Variants in TRAPPC9 observed in about 807,000 individuals in gnomAD.
The protein encoded by TRAPPC9 is trafficking protein particle complex subunit 9, also known as IKK2 binding protein.
A neutral mutation model predicts 124.0 loss-of-function variants in TRAPPC9; 83 were observed. The observed-to-expected ratio is 0.67, with a 90% CI of 0.56 to 0.80. The LOEUF is 0.80. TRAPPC9 is among the 30% of genes least tolerant of loss of function. The pLI, the probability that TRAPPC9 is intolerant of heterozygous loss-of-function variation, is 0.00. For synonymous variants in TRAPPC9, 638 were observed against 617.5 expected (o/e 1.03, Z -0.49); for missense variants, 1,302 against 1,508.3 (o/e 0.86, Z 2.27).
chr8:140,203,634 T>C (rs1388329602), intron 17 of TRAPPC9, among the ~76,000 whole-genome samples: 4 of 152,136 alleles, frequency 2.6e-5, no homozygotes, highest in South Asian at 2.1e-4. Context: ...TGCGGGAAGG[T>C]TGAGCTAACA....
chr8:140,138,368 T>C (rs1364349239), intron 17 of TRAPPC9, among the ~76,000 whole-genome samples: 1 of 152,184 alleles, frequency 6.6e-6, no homozygotes, highest in African/African-American at 2.4e-5. Context: ...AACTATGTGT[T>C]AGGCACTGTG....
At chr8:140,211,904 A>G (rs973841866) in intron 17 of TRAPPC9, among the ~76,000 whole-genome samples, 2 of 152,206 alleles carry the variant, frequency 1.3e-5, no homozygotes, top group Admixed American at 1.3e-4. Flanking sequence ...GCAAAGGACA[A>G]CAGTAACAGT....
At chr8:139,950,442 G>A (rs1311593161) in intron 19 of TRAPPC9, among the ~76,000 whole-genome samples, 4 of 152,188 alleles carry the variant, frequency 2.6e-5, no homozygotes, top group African/African-American at 7.2e-5. Context: ...TGTCCAGAGT[G>A]GTATTGCTGA....
intron 21 of TRAPPC9, among the ~76,000 whole-genome samples, chr8:139,756,570 C>G (rs1189033109): frequency 2.9e-5 from 4 of 136,768 alleles, no homozygotes; most frequent in African/African-American, 8.5e-5. Flanking sequence ...GACAGCAGGT[C>G]GCAGGAGGAG....
At position 139,890,269 on chromosome 8, in the gene TRAPPC9, C is replaced by T. The variant is rs183010785; in HGVS notation, c.2965-4300G>A. Among the ~76,000 whole-genome samples the T allele has an allele frequency of 3.3e-3, 499 of 152,374 alleles. 4 individuals carry two copies. Among genetic ancestry groups the T allele is most frequent in the African/African-American group, 0.011 (441 of 41,598 alleles). ...GCCGTAACAGGGAGGTCAGGCCCTA[C>T]GGGCATCTGGCCATTCGTGCTCTCC... On this transcript the variant is annotated intron_variant, in intron 20 of 22. Transcript: ENST00000438773.
intron 15 of TRAPPC9, among the ~76,000 whole-genome samples, chr8:140,270,536 A>C (rs1447154257): frequency 6.6e-6 from 1 of 152,202 alleles, no homozygotes; most frequent in African/African-American, 2.4e-5. Context: ...CCCTGATTAG[A>C]GAAAGAGACC....
At position 140,450,972 on chromosome 8, in the gene TRAPPC9, G is replaced by A; in HGVS notation, c.402C>T (p.Phe134=). 2 of 1,614,154 alleles carry A rather than the reference G, an allele frequency of 1.2e-6. No individual in the cohort carries two copies. The highest frequency in any genetic ancestry group is 1.7e-6 in the Non-Finnish European group (2 of 1,180,030). The change falls in exon 2 of 23, where the codon TTC becomes TTT. Residue 134 remains phenylalanine (F), a synonymous_variant. Transcript: ENST00000438773. The part of the protein sequence containing the change: ...IVEQPRTDVA[F]YPNYEDCQTV... ...TCTGGCAGTCCTCGTAGTTGGGGTA[G>A]AAAGCCACGTCGGTGCGCGGCTGCT...
rs2071447005 is a variant in TRAPPC9 at position 140,451,183 on chromosome 8, T to C, written c.191A>G (p.Glu64Gly). The change falls in exon 2 of 23, where the codon GAG (glutamate) becomes GGG (glycine). Residue 64 changes from glutamate (E) to glycine (G), a missense_variant. By Grantham distance (98) the Glu-to-Gly change is moderately conservative. This residue lies in a region of TRAPPC9 where 657 missense variants were observed against 811.2 expected (regional missense o/e 0.81). Coordinates refer to ENST00000438773, the MANE Select transcript of TRAPPC9 (RefSeq NM_001160372.4). ...CTGGAAGTCACCCCACTCGTTGTTC[T>C]CGGGTGGGTAGTGGTGCCTGTAGCG... ...YIRYRHHYPP[E>G]NNEWGDFQTH... The C allele has an allele frequency of 6.2e-7, 1 of 1,613,726 alleles. No individual in the cohort carries two copies. Among genetic ancestry groups the C allele is most frequent in the African/African-American group, 1.3e-5 (1 of 74,892 alleles).
At position 139,817,618 on chromosome 8, in the gene TRAPPC9, C is replaced by T. The variant is rs150391787; in HGVS notation, c.3055+68261G>A. On this transcript the variant is annotated intron_variant, in intron 21 of 22. Transcript: ENST00000438773. ...GGATGCGTCCCGGCAGCAGGCGCCA[C>T]GTGGCTGGTGAGAAGGGCGAGGCTT... is the stretch of plus-strand genomic sequence containing the variant. Among the ~76,000 whole-genome samples, 40 of 152,352 alleles carry T rather than the reference C, an allele frequency of 2.6e-4. No homozygotes were observed. The East Asian group carries it at 6.6e-3, about 25-fold the overall frequency.
chr8:140,046,120 C>A (rs940909626), intron 17 of TRAPPC9, among the ~76,000 whole-genome samples: 1 of 152,142 alleles, frequency 6.6e-6, no homozygotes, highest in Admixed American at 6.5e-5. Flanking sequence ...AGGGGTCTTG[C>A]CCAAGGAGAC....
intron 7 of TRAPPC9, among the ~76,000 whole-genome samples, chr8:140,385,269 C>A (rs2068723939): frequency 2.0e-5 from 3 of 152,110 alleles, no homozygotes. Flanking sequence ...ACTAGAGAAG[C>A]AAGAGCAAAC....
chr8:140,037,826 CCCAACACACA>C (rs1312685330), intron 17 of TRAPPC9, among the ~76,000 whole-genome samples: 10 of 145,420 alleles, frequency 6.9e-5, no homozygotes, highest in Non-Finnish European at 1.5e-4. Context: ...TACACACATA[CCCAACACACA>C]CCAACACACA....
chr8:140,194,501 GT>G (rs914649484), intron 17 of TRAPPC9, among the ~76,000 whole-genome samples: 3 of 152,094 alleles, frequency 2.0e-5, no homozygotes, highest in Admixed American at 2.0e-4. Flanking sequence ...TACAGATGCA[GT>G]TTTTTTGCTT....
At chr8:140,210,658 A>G (rs2063037609) in intron 17 of TRAPPC9, among the ~76,000 whole-genome samples, 1 of 152,118 alleles carries the variant, frequency 6.6e-6, no homozygotes, top group Non-Finnish European at 1.5e-5. Context: ...TCTTGGGAAC[A>G]AACAGATGAT....
chr8:139,938,493 G>T (rs901938814), intron 19 of TRAPPC9, among the ~76,000 whole-genome samples: 3 of 152,040 alleles, frequency 2.0e-5, no homozygotes, highest in African/African-American at 7.2e-5. Context: ...CACCGTGTTA[G>T]CCAGGATGGT....
chr8:139,936,169 G>A (rs924341250), intron 19 of TRAPPC9, among the ~76,000 whole-genome samples: 3 of 152,186 alleles, frequency 2.0e-5, no homozygotes, highest in South Asian at 4.1e-4. Flanking sequence ...TTGAGATAGC[G>A]CCTACCAGAG....
At chr8:140,335,705 A>T (rs1191506541) in intron 9 of TRAPPC9, among the ~76,000 whole-genome samples, 2 of 131,690 alleles carry the variant, frequency 1.5e-5, no homozygotes, top group Non-Finnish European at 1.6e-5. Flanking sequence ...AGTCTTCACA[A>T]TTTTTTTTTT....
chr8:139,792,164 C>G (rs962064391), intron 21 of TRAPPC9, among the ~76,000 whole-genome samples: 6 of 152,182 alleles, frequency 3.9e-5, no homozygotes, highest in Non-Finnish European at 8.8e-5. Flanking sequence ...CACAGTCCCC[C>G]ATTCCTGTCT....
Position 139,737,473 on chromosome 8 carries a change from C to T in TRAPPC9, c.3056-5271G>A, listed in dbSNP as rs534121731. 4.1e-5 allele frequency among the ~76,000 whole-genome samples: 5 copies of T among 122,416 alleles called. 2 individuals are homozygous for T. The highest frequency in any genetic ancestry group is 9.3e-5 in the Non-Finnish European group (5 of 53,746). The allele number at this position is 122,416 out of a possible 152,430, so 80.3% of individuals were successfully genotyped here. On this transcript the variant is annotated intron_variant, in intron 21 of 22. Coordinates refer to ENST00000438773, the MANE Select transcript of TRAPPC9 (RefSeq NM_001160372.4). ...GGCGGGGGTCATCAGCCCTCCCCCC[C>T]CCCCCACGGAAAACCCTGAGTCTGG...
Sources: gnomAD v4.1 joint callset for allele counts (sites outside exome capture counted in the v4.1 genomes callset) on GRCh38, gnomAD v4.1.1 for gene constraint, gnomAD v4.1.1 regional missense constraint, MANE v1.5 for transcripts, NCBI Gene and HGNC (gene_info 2026-07-23, HGNC 2026-07-21) for gene names.